Variants in FNDC3B observed in about 807,000 individuals in gnomAD.
FNDC3B encodes the protein fibronectin type III domain-containing protein 3B.
A neutral mutation model predicts 151.5 loss-of-function variants in FNDC3B; 12 were observed. That is an observed-to-expected ratio of 0.08 (90% CI 0.05 to 0.13). The LOEUF (loss-of-function observed/expected upper bound fraction) is 0.13. Ranked by LOEUF, FNDC3B falls within the 10% of genes least tolerant of loss-of-function variation. FNDC3B has a pLI of 1.00. For synonymous variants in FNDC3B, 528 were observed against 549.0 expected, an observed-to-expected ratio of 0.96 and a Z score of 0.54; for missense variants, 1,214 against 1,505.3, an observed-to-expected ratio of 0.81 and a Z score of 3.20.
chr3:172,325,570 C>G (rs934811096), intron 11 of FNDC3B, among the ~76,000 whole-genome samples: 4 of 152,178 alleles, frequency 2.6e-5, no homozygotes, highest in Non-Finnish European at 4.4e-5. Context: ...CTATTTGCAA[C>G]CTGGGACCCA....
chr3:172,172,670 A>G (rs1038514500), intron 3 of FNDC3B, among the ~76,000 whole-genome samples: 6 of 152,208 alleles, frequency 3.9e-5, no homozygotes, highest in Admixed American at 1.3e-4. Context: ...TAAAAACCTT[A>G]CATGTGAAAT....
chr3:172,209,778 A>G (rs1476490573), intron 3 of FNDC3B, among the ~76,000 whole-genome samples: 1 of 152,152 alleles, frequency 6.6e-6, no homozygotes, highest in East Asian at 1.9e-4. Context: ...ACCACTATCA[A>G]TATGCCATCC....
intron 11 of FNDC3B, among the ~76,000 whole-genome samples, chr3:172,311,382 A>G (rs1222096324): frequency 6.6e-6 from 1 of 152,138 alleles, no homozygotes; most frequent in Non-Finnish European, 1.5e-5. Context: ...GTGGGTTAGA[A>G]TGTCCTGTAT....
chr3:172,148,255 TA>T (rs1329686372), intron 3 of FNDC3B, among the ~76,000 whole-genome samples: 1 of 152,104 alleles, frequency 6.6e-6, no homozygotes, highest in Non-Finnish European at 1.5e-5. Flanking sequence ...AGGAAACTTA[TA>T]AAAAATATGA....
chr3:172,294,950 C>T (rs992366051), intron 7 of FNDC3B, among the ~76,000 whole-genome samples: 5 of 152,148 alleles, frequency 3.3e-5, no homozygotes, highest in Non-Finnish European at 5.9e-5. Flanking sequence ...AGGACTTCAG[C>T]GGGTATTGTT....
chr3:172,065,069 C>T (rs1014121168), intron 1 of FNDC3B, among the ~76,000 whole-genome samples: 1 of 152,192 alleles, frequency 6.6e-6, no homozygotes, highest in Admixed American at 6.5e-5. Context: ...TGCGGTGGCT[C>T]ACGCCTGTAA....
intron 11 of FNDC3B, among the ~76,000 whole-genome samples, chr3:172,328,634 G>A (rs1304166557): frequency 2.0e-5 from 3 of 152,182 alleles, no homozygotes; most frequent in Admixed American, 6.5e-5. Flanking sequence ...TAGAAATTGT[G>A]ATCGTTAACT....
intron 3 of FNDC3B, among the ~76,000 whole-genome samples, chr3:172,162,271 G>T (rs1236157108): frequency 6.6e-6 from 1 of 152,118 alleles, no homozygotes; most frequent in Non-Finnish European, 1.5e-5. Flanking sequence ...GAGCCACCGC[G>T]CCCGGCCTCT....
At chr3:172,075,762 CACACAA>C (rs1004346548) in intron 1 of FNDC3B, among the ~76,000 whole-genome samples, 3 of 123,046 alleles carry the variant, frequency 2.4e-5, no homozygotes, top group African/African-American at 8.5e-5. Context: ...CACACACACA[CACACAA>C]ACATTTATAT....
At chr3:172,346,250 A>G in intron 19 of FNDC3B, 77 bp from the exon 20 acceptor site, 2 of 746,570 alleles carry the variant, frequency 2.7e-6, no homozygotes, top group South Asian at 3.8e-5. Context: ...TTTGGTTATA[A>G]GCTTTTGTAT....
At chr3:172,276,660 A>C (rs1315088362) in intron 6 of FNDC3B, among the ~76,000 whole-genome samples, 1 of 152,234 alleles carries the variant, frequency 6.6e-6, no homozygotes, top group Non-Finnish European at 1.5e-5. Flanking sequence ...CTAATAGTTC[A>C]AACAGCAGTG....
intron 23 of FNDC3B, among the ~76,000 whole-genome samples, chr3:172,366,661 T>C (rs1734634863): frequency 6.6e-6 from 1 of 152,166 alleles, no homozygotes; most frequent in Admixed American, 6.5e-5. Flanking sequence ...AAGCAAATTA[T>C]GATGTGGAAG....
intron 3 of FNDC3B, among the ~76,000 whole-genome samples, chr3:172,134,877 A>C (rs748674866): frequency 9.8e-5 from 15 of 152,290 alleles, no homozygotes; most frequent in Non-Finnish European, 1.5e-4. Context: ...CAAGGAAGAG[A>C]AGAAATATTT....
intron 1 of FNDC3B, among the ~76,000 whole-genome samples, chr3:172,056,919 G>A (rs1281188468): frequency 6.6e-6 from 1 of 152,140 alleles, no homozygotes; most frequent in African/African-American, 2.4e-5. Flanking sequence ...ATCTTAGTGA[G>A]GTAGTGTGGG....
At chr3:172,168,951 G>C (rs1443437288) in intron 3 of FNDC3B, among the ~76,000 whole-genome samples, 1 of 150,504 alleles carries the variant, frequency 6.6e-6, no homozygotes, top group Non-Finnish European at 1.5e-5. Context: ...GACCTCAGAT[G>C]ATCTGCCTGC....
At chr3:172,180,009 A>G (rs1723807492) in intron 3 of FNDC3B, among the ~76,000 whole-genome samples, 1 of 151,848 alleles carries the variant, frequency 6.6e-6, no homozygotes, top group South Asian at 2.1e-4. Flanking sequence ...ATTTTCTGTG[A>G]CCCTGACCAA....
At chr3:172,165,520 A>G (rs1722964715) in intron 3 of FNDC3B, among the ~76,000 whole-genome samples, 1 of 152,202 alleles carries the variant, frequency 6.6e-6, no homozygotes, top group South Asian at 2.1e-4. Flanking sequence ...TTTATACCAA[A>G]ATATAGTTTA....
At position 172,352,222 on chromosome 3, in the gene FNDC3B, G is replaced by A. The variant is rs1469774988; in HGVS notation, c.2515-581G>A. ...CCTAGTGATGAATAAGCATTTGAAA[G>A]ACCTGGGAGTGATCAAGGTGTCAGC... is the stretch of plus-strand genomic sequence containing the variant. On this transcript the variant is annotated intron_variant, in intron 21 of 25. Coordinates refer to ENST00000415807, the MANE Select transcript of FNDC3B (RefSeq NM_022763.4). The surrounding 1 kb of genome is among the most constrained non-coding windows in gnomAD (Gnocchi z 4.2). Among the ~76,000 whole-genome samples, 2 of 152,228 alleles carry A rather than the reference G, an allele frequency of 1.3e-5. No homozygotes were observed. Among genetic ancestry groups the A allele is most frequent in the African/African-American group, 4.8e-5 (2 of 41,444 alleles).
intron 4 of FNDC3B, among the ~76,000 whole-genome samples, chr3:172,243,765 T>G (rs1727626659): frequency 6.6e-6 from 1 of 152,218 alleles, no homozygotes; most frequent in African/African-American, 2.4e-5. Flanking sequence ...AGAGTCTACC[T>G]ATATGACCTC....
Sources: gnomAD v4.1 joint callset for allele counts (sites outside exome capture counted in the v4.1 genomes callset) on GRCh38, gnomAD v4.1.1 for gene constraint, Gnocchi (gnomAD v3.1) non-coding constraint, MANE v1.5 for transcripts, NCBI Gene and HGNC (gene_info 2026-07-23, HGNC 2026-07-21) for gene names.